Variants in DNAH6 observed in about 807,000 individuals in gnomAD.
DNAH6 encodes dynein axonemal heavy chain 6, also known as axonemal beta dynein heavy chain 6.
In DNAH6, 340 loss-of-function variants were observed where a neutral mutation model predicts 491.4. The observed-to-expected ratio is 0.69, with a 90% CI of 0.63 to 0.76. The LOEUF (loss-of-function observed/expected upper bound fraction) is 0.76. Among genes scored for constraint, DNAH6 ranks in the 30% least tolerant of loss-of-function variants. The probability of loss-of-function intolerance (pLI) is 0.00; values close to 1 mark genes in which losing one functional copy is unlikely to be tolerated. For synonymous variants in DNAH6, 1,603 were observed against 1,686.1 expected (o/e 0.95, Z 1.21); for missense variants, 4,443 against 4,972.2 (o/e 0.89, Z 3.20).
At chr2:84,634,023 A>G (rs545554342) in intron 29 of DNAH6, among the ~76,000 whole-genome samples, 1 of 152,346 alleles carries the variant, frequency 6.6e-6, no homozygotes, top group Non-Finnish European at 1.5e-5. Flanking sequence ...CTCCACCATT[A>G]GGATTCTGCT....
chr2:84,600,642 T>C (rs948846451), intron 18 of DNAH6, among the ~76,000 whole-genome samples: 21 of 152,266 alleles, frequency 1.4e-4, no homozygotes, highest in African/African-American at 5.1e-4. Context: ...ACTGGAATTA[T>C]AGATTCTTAC....
intron 69 of DNAH6, among the ~76,000 whole-genome samples, chr2:84,797,224 C>G (rs552885227): frequency 6.6e-6 from 1 of 152,260 alleles, no homozygotes; most frequent in African/African-American, 2.4e-5. Flanking sequence ...TGAGTTACAC[C>G]TTTCAACATA....
At chr2:84,805,487 CT>C (rs1246102266) in intron 70 of DNAH6, among the ~76,000 whole-genome samples, 177 bp from the exon 71 acceptor site, 1 of 152,178 alleles carries the variant, frequency 6.6e-6, no homozygotes, top group African/African-American at 2.4e-5. Context: ...TAATTACTGT[CT>C]TAATTTGTTA....
chr2:84,670,261 A>C, intron 38 of DNAH6, 67 bp from the exon 39 acceptor site: 1 of 1,142,314 alleles, frequency 8.8e-7, no homozygotes, highest in Non-Finnish European at 1.2e-6. Context: ...CATTGTGCCA[A>C]ACTATTACAG....
the DNAH6 span, among the ~76,000 whole-genome samples, chr2:84,482,259 A>G: frequency 6.6e-6 from 1 of 152,246 alleles, no homozygotes; most frequent in Non-Finnish European, 1.5e-5. Context: ...AGAACAACAC[A>G]CAAAAAAAGT....
chr2:84,774,186 T>A (rs901770838), intron 64 of DNAH6, among the ~76,000 whole-genome samples: 4 of 152,126 alleles, frequency 2.6e-5, no homozygotes, highest in Non-Finnish European at 5.9e-5. Flanking sequence ...CTAAGATTTT[T>A]ATAGTTTGAG....
Position 84,688,512 on chromosome 2 carries a change from A to C in DNAH6, c.7211A>C (p.Asp2404Ala), listed in dbSNP as rs1694515264. 6.5e-7 allele frequency: 1 copy of C among 1,544,462 alleles called. No homozygotes were observed. Among genetic ancestry groups the C allele is most frequent in the Admixed American group, 2.1e-5 (1 of 48,534 alleles). The change falls in exon 45 of 77, where the codon GAC (aspartate) becomes GCC (alanine). Residue 2404 changes from aspartate to alanine, a missense_variant. Physicochemically the swap from Asp to Ala is moderately radical, Grantham distance 126. Coordinates refer to ENST00000389394, the MANE Select transcript of DNAH6 (RefSeq NM_001370.2). ...GAGAAAACTGCAAATGTTCTACAGG[A>C]CTATCTTGATGATTATAATCTCACA... ...DIEKTANVLQ[D>A]YLDDYNLTNP...
Position 84,704,668 on chromosome 2 carries a change from G to A in DNAH6, c.8465+366G>A, listed in dbSNP as rs535641775. 9.3e-4 allele frequency among the ~76,000 whole-genome samples: 141 copies of A among 152,320 alleles called. 1 individual carries two copies. The highest frequency in any genetic ancestry group is 3.4e-3 in the Middle Eastern group (1 of 294). ...GCTCAGTTGGATAGTGGGACCATAG[G>A]CGAGCTCAGGAATGAGCTTTAATGT... On this transcript the variant is annotated intron_variant, in intron 51 of 76. Transcript: ENST00000389394.
intron 33 of DNAH6, among the ~76,000 whole-genome samples, chr2:84,644,672 A>G (rs934890525): frequency 6.6e-6 from 1 of 152,088 alleles, no homozygotes; most frequent in South Asian, 2.1e-4. Context: ...GCTCCTACTT[A>G]TAAGTAAGAG....
At position 84,593,957 on chromosome 2, in the gene DNAH6, A is replaced by G. The variant is rs1297705621; in HGVS notation, c.2611-15A>G. 1.4e-6 allele frequency: 2 copies of G among 1,465,304 alleles called. No individual in the cohort carries two copies. The highest frequency in any genetic ancestry group is 1.4e-5 in the African/African-American group (1 of 70,972). The allele number at this position is 1,465,304 out of a possible 1,614,324, so 90.8% of individuals were successfully genotyped here. On this transcript the variant is annotated splice_polypyrimidine_tract_variant and intron_variant, in intron 16 of 76. Coordinates refer to ENST00000389394, the MANE Select transcript of DNAH6 (RefSeq NM_001370.2). ...GAAAACTAAATTACGCATTTTGTTT[A>G]CTACATTTTTAAAGGTAGAAGTGTC... is the stretch of plus-strand genomic sequence containing the variant.
chr2:84,807,872 C>A (rs1052446581), intron 71 of DNAH6, among the ~76,000 whole-genome samples: 1 of 152,186 alleles, frequency 6.6e-6, no homozygotes, highest in Non-Finnish European at 1.5e-5. Flanking sequence ...TCCCTCTCAA[C>A]CCCTCACCTC....
chr2:84,685,740 A>T (rs1049929154), intron 43 of DNAH6, among the ~76,000 whole-genome samples: 1 of 152,158 alleles, frequency 6.6e-6, no homozygotes, highest in African/African-American at 2.4e-5. Context: ...CCTTGGGCTC[A>T]GGAGTTCGAG....
chr2:84,813,444 C>T (rs1270056272), intron 74 of DNAH6, among the ~76,000 whole-genome samples: 1 of 152,190 alleles, frequency 6.6e-6, no homozygotes, highest in Non-Finnish European at 1.5e-5. Context: ...CAACTGCTGT[C>T]CACCTGCTCA....
At chr2:84,605,324 G>A (rs1210136005) in intron 19 of DNAH6, among the ~76,000 whole-genome samples, 176 bp from the exon 20 acceptor site, 1 of 141,440 alleles carries the variant, frequency 7.1e-6, no homozygotes, top group Non-Finnish European at 1.5e-5. Context: ...CCGCACTCCA[G>A]CCTGGGTGAC....
At chr2:84,577,740 C>T (rs1198684498) in intron 13 of DNAH6, among the ~76,000 whole-genome samples, 1 of 152,116 alleles carries the variant, frequency 6.6e-6, no homozygotes, top group Non-Finnish European at 1.5e-5. Flanking sequence ...TGATTCTAGA[C>T]CACCGAGATC....
In DNAH6 at chr2:84,699,589, G is replaced by A; in HGVS notation, c.7678-5G>A. On this transcript the variant is annotated splice_polypyrimidine_tract_variant and splice_region_variant and intron_variant, in intron 47 of 76. Coordinates refer to ENST00000389394, the MANE Select transcript of DNAH6 (RefSeq NM_001370.2). ...AAACTGAAAAAATAACTTTCTTTTT[G>A]TCAGGTGTTTCAATACTTTATCAGC... The A allele has an allele frequency of 6.5e-7, 1 of 1,542,638 alleles. No homozygotes were observed.
At chr2:84,509,716 T>C in the DNAH6 span, among the ~76,000 whole-genome samples, 1 of 152,174 alleles carries the variant, frequency 6.6e-6, no homozygotes, top group East Asian at 1.9e-4. Flanking sequence ...CTGGTACCGG[T>C]TGTTCCTTTC....
chr2:84,797,244 C>G (rs1678443380), intron 69 of DNAH6, among the ~76,000 whole-genome samples: 1 of 152,290 alleles, frequency 6.6e-6, no homozygotes, highest in South Asian at 2.1e-4. Flanking sequence ...AAATTTGGAG[C>G]CCTTCATGAG....
At chr2:84,681,742 GAAA>G (rs34477648) in intron 42 of DNAH6, among the ~76,000 whole-genome samples, 2 of 132,548 alleles carry the variant, frequency 1.5e-5, no homozygotes, top group Non-Finnish European at 1.6e-5. Context: ...GTCTTTCACT[GAAA>G]AAAAAAAAAA....
Sources: allele counts gnomAD v4.1 joint callset (sites outside exome capture counted in the v4.1 genomes callset), GRCh38; gene constraint gnomAD v4.1.1; transcripts MANE v1.5; gene names NCBI Gene and HGNC (gene_info 2026-07-23, HGNC 2026-07-21).